FHIT: variants seen among roughly 807,000 people sequenced by gnomAD.
FHIT encodes the protein bis(5'-adenosyl)-triphosphatase.
FHIT carries 19 observed loss-of-function variants against 17.9 expected under a neutral mutation model. The observed-to-expected ratio is 1.06, with a 90% CI of 0.74 to 1.56. The LOEUF is 1.56. Among genes scored for constraint, FHIT ranks in the 40% most tolerant of loss-of-function variants. The pLI is 0.00. For missense variants in FHIT, 248 were observed against 189.2 expected, an observed-to-expected ratio of 1.31 and a Z score of -1.82; for synonymous variants, 81 against 69.7, an observed-to-expected ratio of 1.16 and a Z score of -0.81.
chr3:60,756,844 T>C (rs781808229), intron 4 of FHIT, among the ~76,000 whole-genome samples: 2 of 152,182 alleles, frequency 1.3e-5, no homozygotes, highest in Non-Finnish European at 2.9e-5. Context: ...TTTGTCTGTA[T>C]AGCACAAACC....
At chr3:60,333,280 C>T (rs1710076972) in intron 5 of FHIT, among the ~76,000 whole-genome samples, 1 of 152,204 alleles carries the variant, frequency 6.6e-6, no homozygotes, top group South Asian at 2.1e-4. Flanking sequence ...CTTGCTCTCC[C>T]ATGAGTCAAG....
intron 8 of FHIT, among the ~76,000 whole-genome samples, chr3:59,881,635 T>C (rs920141544): frequency 4.6e-5 from 7 of 152,194 alleles, no homozygotes; most frequent in Non-Finnish European, 7.3e-5. Flanking sequence ...ACTGGCTCTA[T>C]GAAGACTTCA....
intron 4 of FHIT, among the ~76,000 whole-genome samples, chr3:60,635,186 T>C (rs2039549622): frequency 6.6e-6 from 1 of 152,238 alleles, no homozygotes; most frequent in South Asian, 2.1e-4. Flanking sequence ...ATACAATTGT[T>C]AGAGTCAGAA....
chr3:60,221,257 C>G (rs1457034395), intron 5 of FHIT, among the ~76,000 whole-genome samples: 1 of 152,108 alleles, frequency 6.6e-6, no homozygotes, highest in Non-Finnish European at 1.5e-5. Flanking sequence ...ACAGATAGTT[C>G]TGTTTTCAGA....
At chr3:60,628,242 T>C (rs1033563301) in intron 4 of FHIT, among the ~76,000 whole-genome samples, 4 of 152,236 alleles carry the variant, frequency 2.6e-5, no homozygotes, top group African/African-American at 9.6e-5. Context: ...TTAAGTTCTG[T>C]GTATTTGCAA....
Position 59,920,263 on chromosome 3 carries a change from C to G in FHIT, c.348+2083G>C, listed in dbSNP as rs1382312419. ...GATTTGAACTTACTTCTGCCTGTTT[C>G]TAGACTTCAATCTCTACATAGTCTT... is the stretch of plus-strand genomic sequence containing the variant. On this transcript the variant is annotated intron_variant, in intron 8 of 9. Coordinates refer to ENST00000492590, the MANE Select transcript of FHIT (RefSeq NM_002012.4). 2.0e-5 allele frequency among the ~76,000 whole-genome samples: 3 copies of G among 152,176 alleles called. No individual in the cohort carries two copies. In the East Asian group the frequency reaches 5.8e-4, roughly 29 times the overall value.
intron 5 of FHIT, among the ~76,000 whole-genome samples, chr3:60,173,915 A>ATATATATATATATATATATATTTTT: frequency 3.0e-5 from 2 of 66,444 alleles, no homozygotes; most frequent in African/African-American, 6.3e-5. Flanking sequence ...ATATATATAT[A>ATATATATATATATATATATATTTTT]TGTTTTTTTT....
At chr3:60,277,026 A>T (rs1707175718) in intron 5 of FHIT, among the ~76,000 whole-genome samples, 1 of 152,134 alleles carries the variant, frequency 6.6e-6, no homozygotes, top group Admixed American at 6.5e-5. Flanking sequence ...CAAGCATCCA[A>T]AGTATATAAG....
chr3:60,009,989 C>T (rs1237690968), intron 7 of FHIT, among the ~76,000 whole-genome samples: 2 of 152,202 alleles, frequency 1.3e-5, no homozygotes, highest in Non-Finnish European at 2.9e-5. Flanking sequence ...CCACTTAATA[C>T]AGTTTGTGCA....
At chr3:60,764,738 T>A (rs899324804) in intron 4 of FHIT, among the ~76,000 whole-genome samples, 12 of 151,156 alleles carry the variant, frequency 7.9e-5, no homozygotes, top group Admixed American at 7.9e-4. Flanking sequence ...TATATTAATA[T>A]GTGTTAATAT....
intron 5 of FHIT, among the ~76,000 whole-genome samples, chr3:60,073,148 G>A (rs921013004): frequency 6.6e-6 from 1 of 152,156 alleles, no homozygotes; most frequent in Non-Finnish European, 1.5e-5. Context: ...GATTGTGTTA[G>A]CAAGTTGCTT....
chr3:60,146,026 A>G (rs1242232048), intron 5 of FHIT, among the ~76,000 whole-genome samples: 1 of 151,430 alleles, frequency 6.6e-6, no homozygotes. Flanking sequence ...GTTTCCTCAT[A>G]TTTTCTAATC....
At chr3:60,270,526 T>C (rs1342740921) in intron 5 of FHIT, among the ~76,000 whole-genome samples, 3 of 152,174 alleles carry the variant, frequency 2.0e-5, no homozygotes, top group Non-Finnish European at 4.4e-5. Flanking sequence ...GATGTTCAAG[T>C]ATAAAAGCAC....
intron 4 of FHIT, among the ~76,000 whole-genome samples, chr3:60,678,780 G>A (rs1461860448): frequency 6.6e-6 from 1 of 152,098 alleles, no homozygotes; most frequent in Admixed American, 6.6e-5. Context: ...GCTCCAGCCT[G>A]GGCATGACAG....
chr3:60,536,838 CA>C (rs751354648), intron 5 of FHIT, 21 bp downstream of exon 5: 24,863 of 1,056,092 alleles, frequency 0.024, no homozygotes, highest in South Asian at 0.057. Flanking sequence ...TTTCCCTCTC[CA>C]AAAAAAAAAA....
intron 5 of FHIT, among the ~76,000 whole-genome samples, chr3:60,371,360 T>C (rs970616819): frequency 2.8e-5 from 4 of 144,148 alleles, no homozygotes; most frequent in East Asian, 1.9e-4. Context: ...AATATTTTCT[T>C]CTAGCTTTTT....
chr3:60,754,835 C>T (rs905378113), intron 4 of FHIT, among the ~76,000 whole-genome samples: 2 of 152,140 alleles, frequency 1.3e-5, no homozygotes, highest in African/African-American at 2.4e-5. Context: ...CTGACAGTGT[C>T]CCATTGCTGG....
At chr3:59,936,013 T>A (rs941930114) in intron 7 of FHIT, among the ~76,000 whole-genome samples, 4 of 152,204 alleles carry the variant, frequency 2.6e-5, no homozygotes, top group African/African-American at 9.6e-5. Flanking sequence ...CTTGTGTTTC[T>A]AGCCTCACAT....
At chr3:60,736,209 T>C (rs1168103146) in intron 4 of FHIT, among the ~76,000 whole-genome samples, 1 of 152,174 alleles carries the variant, frequency 6.6e-6, no homozygotes, top group Non-Finnish European at 1.5e-5. Context: ...TATAAAATGG[T>C]GCTTCAAAAA....
Sources: allele counts gnomAD v4.1 joint callset (sites outside exome capture counted in the v4.1 genomes callset), GRCh38; gene constraint gnomAD v4.1.1; transcripts MANE v1.5; gene names NCBI Gene and HGNC (gene_info 2026-07-23, HGNC 2026-07-21).